Variants in TBXAS1 observed in about 807,000 individuals in gnomAD.
The protein encoded by TBXAS1 is thromboxane A synthase 1.
In TBXAS1, 48 loss-of-function variants were observed where a neutral mutation model predicts 60.7. That is an observed-to-expected ratio of 0.79 (90% confidence interval 0.63 to 1.01). TBXAS1 has a LOEUF of 1.01. TBXAS1 is among the 50% of genes least tolerant of loss of function. The pLI is 0.00. For missense variants in TBXAS1, 685 were observed against 686.3 expected, an observed-to-expected ratio of 1.00 and a Z score of 0.02; for synonymous variants, 287 against 269.7, an observed-to-expected ratio of 1.06 and a Z score of -0.63.
At chr7:139,864,873 C>T (rs995245799) in intron 1 of TBXAS1, among the ~76,000 whole-genome samples, 2 of 152,134 alleles carry the variant, frequency 1.3e-5, no homozygotes, top group African/African-American at 2.4e-5. Flanking sequence ...GTTGAGCCAC[C>T]TCTCATTGTA....
chr7:139,861,852 G>C (rs1046882219), intron 1 of TBXAS1, among the ~76,000 whole-genome samples: 1 of 152,214 alleles, frequency 6.6e-6, no homozygotes, highest in Non-Finnish European at 1.5e-5. Context: ...GGGGGATCCA[G>C]GGGAATATTG....
At chr7:139,812,554 G>T (rs1419339436) in intron 4 of TBXAS1, among the ~76,000 whole-genome samples, 2 of 152,160 alleles carry the variant, frequency 1.3e-5, no homozygotes, top group Admixed American at 6.5e-5. Context: ...TGTGGATTAT[G>T]CCTAATTAAA....
At chr7:139,920,678 C>T (rs1385597707) in intron 4 of TBXAS1, among the ~76,000 whole-genome samples, 2 of 152,140 alleles carry the variant, frequency 1.3e-5, no homozygotes, top group African/African-American at 2.4e-5. Flanking sequence ...GATTAAAAAC[C>T]CAAATTAAAA....
chr7:139,815,399 G>T (rs1296459985), intron 4 of TBXAS1, among the ~76,000 whole-genome samples: 2 of 152,180 alleles, frequency 1.3e-5, no homozygotes, highest in East Asian at 1.9e-4. Context: ...CCATGAAGAG[G>T]TTCCCTCTTT....
intron 3 of TBXAS1, among the ~76,000 whole-genome samples, chr7:139,904,097 A>C (rs1252873851): frequency 6.6e-6 from 1 of 152,086 alleles, no homozygotes; most frequent in Non-Finnish European, 1.5e-5. Flanking sequence ...TCTTAGGTTT[A>C]AGTCTTTAAT....
chr7:139,894,175 G>A lies in TBXAS1; in HGVS notation c.237-17050G>A, dbSNP rs140044780. On this transcript the variant is annotated intron_variant, in intron 3 of 12. Coordinates refer to ENST00000448866, the MANE Select transcript of TBXAS1 (RefSeq NM_001061.7). ...CTGGGGGCTTTCCTTAGCAGCAGGA[G>A]GCCTCCTGGGACTACCGTGCCACCA... Among the ~76,000 whole-genome samples, 1,054 of 152,314 alleles carry A rather than the reference G, an allele frequency of 6.9e-3. 13 individuals are homozygous for A. The highest frequency in any genetic ancestry group is 0.024 in the African/African-American group (1,006 of 41,562).
chr7:139,827,752 C>A (rs1585563663), upstream of TBXAS1, among the ~76,000 whole-genome samples: 1 of 152,184 alleles, frequency 6.6e-6, no homozygotes, highest in Admixed American at 6.5e-5. Context: ...CTTAGTTTCA[C>A]TGGATACAAA....
rs1474735707 is a variant in TBXAS1, at chr7:139,847,345, A to ACATCG, written c.89+17866_89+17867insCATCG. On this transcript the variant is annotated intron_variant, in intron 1 of 12. Transcript: ENST00000448866. ...AAGTATCAATGAGGCATAGCACATC[A>ACATCG]GTAAATAAGCCCCGCTAAGCCATAC... Among the ~76,000 whole-genome samples the ACATCG allele has an allele frequency of 2.1e-3, 322 of 152,286 alleles. 1 individual carries two copies. The highest frequency in any genetic ancestry group is 7.5e-3 in the African/African-American group (313 of 41,552).
At chr7:140,015,905 G>A (rs750905446) in intron 11 of TBXAS1, 45 bp downstream of exon 11, 1 of 1,611,742 alleles carries the variant, frequency 6.2e-7, no homozygotes, top group East Asian at 2.2e-5. Context: ...ATGTGAGTGT[G>A]TGGGATAGAA....
chr7:139,872,546 T>C (rs1474270653), intron 2 of TBXAS1, among the ~76,000 whole-genome samples: 3 of 152,102 alleles, frequency 2.0e-5, no homozygotes, highest in Non-Finnish European at 4.4e-5. Context: ...CCCAGCTACT[T>C]GGGAGGCTGA....
chr7:139,936,978 C>T (rs1402355025), intron 5 of TBXAS1, among the ~76,000 whole-genome samples: 2 of 152,150 alleles, frequency 1.3e-5, no homozygotes, highest in Non-Finnish European at 2.9e-5. Flanking sequence ...TCTCCTTTCC[C>T]TACTGAGTGA....
intron 1 of TBXAS1, among the ~76,000 whole-genome samples, chr7:139,867,509 T>C (rs893482927): frequency 6.6e-6 from 1 of 152,194 alleles, no homozygotes; most frequent in Non-Finnish European, 1.5e-5. Context: ...TAAGCACCCA[T>C]GTTGAATCCA....
At chr7:139,902,008 C>T (rs1384680082) in intron 3 of TBXAS1, among the ~76,000 whole-genome samples, 1 of 151,892 alleles carries the variant, frequency 6.6e-6, no homozygotes, top group East Asian at 1.9e-4. Context: ...CCTATGTTCC[C>T]ATTACCCAGC....
At chr7:140,003,225 C>T (rs1399995819) in intron 9 of TBXAS1, among the ~76,000 whole-genome samples, 3 of 149,638 alleles carry the variant, frequency 2.0e-5, no homozygotes, top group Non-Finnish European at 4.4e-5. Flanking sequence ...GTTTGTTTGT[C>T]TGTTTGTTTG....
At chr7:139,930,215 C>T (rs1262053368) in intron 4 of TBXAS1, among the ~76,000 whole-genome samples, 1 of 152,170 alleles carries the variant, frequency 6.6e-6, no homozygotes, top group African/African-American at 2.4e-5. Context: ...AATTTAATAA[C>T]ACACCTCGCC....
chr7:140,015,403 C>A (rs1250761606), intron 10 of TBXAS1, among the ~76,000 whole-genome samples: 1 of 152,164 alleles, frequency 6.6e-6, no homozygotes, highest in Non-Finnish European at 1.5e-5. Flanking sequence ...GCAGTTTGCA[C>A]CCCGACATGG....
chr7:139,892,252 C>G (rs2116936687), intron 3 of TBXAS1, among the ~76,000 whole-genome samples: 1 of 152,272 alleles, frequency 6.6e-6, no homozygotes, highest in East Asian at 1.9e-4. Flanking sequence ...GCTATCCCTA[C>G]TGATGGGACT....
chr7:139,830,379 A>G lies in TBXAS1; in HGVS notation c.89+900A>G, dbSNP rs541824313. The stretch of plus-strand genomic sequence containing the variant: ...TAACTGGGAAAGCACTTTGAAAAGC[A>G]TCAAGCATTATGCAAATGTGAGGTA... On this transcript the variant is annotated intron_variant, in intron 1 of 12. Coordinates refer to ENST00000448866, the MANE Select transcript of TBXAS1 (RefSeq NM_001061.7). Among the ~76,000 whole-genome samples the G allele has an allele frequency of 3.3e-5, 5 of 152,342 alleles. No individual in the cohort carries two copies. The South Asian group carries it at 6.2e-4, about 19-fold the overall frequency.
intron 4 of TBXAS1, among the ~76,000 whole-genome samples, chr7:139,920,991 A>G (rs562505045): frequency 4.3e-4 from 65 of 152,334 alleles, no homozygotes; most frequent in Non-Finnish European, 8.2e-4. Context: ...TTAAACCTAA[A>G]TATGAAACCT....
Sources: gnomAD v4.1 joint callset for allele counts (sites outside exome capture counted in the v4.1 genomes callset) on GRCh38, gnomAD v4.1.1 for gene constraint, MANE v1.5 for transcripts, NCBI Gene and HGNC (gene_info 2026-07-23, HGNC 2026-07-21) for gene names.